KNTC1: variants seen among roughly 807,000 people sequenced by gnomAD.
KNTC1 encodes the protein kinetochore associated 1.
Under a neutral mutation model 314.4 loss-of-function variants are expected in KNTC1, and 253 were observed. The observed-to-expected ratio is 0.80, with a 90% CI of 0.73 to 0.89. KNTC1 has a LOEUF of 0.89. Ranked by LOEUF, KNTC1 falls within the 40% of genes least tolerant of loss-of-function variation. The pLI, the probability that KNTC1 is intolerant of heterozygous loss-of-function variation, is 0.00. For synonymous variants in KNTC1, 901 were observed against 901.4 expected (o/e 1.00, Z 0.01); for missense variants, 2,475 against 2,572.9 (o/e 0.96, Z 0.82).
intron 20 of KNTC1, 85 bp downstream of exon 20, chr12:122,562,784 C>T (rs1057507949): frequency 1.8e-5 from 14 of 763,700 alleles, no homozygotes; most frequent in Non-Finnish European, 2.5e-5. Context: ...CTGAGGTGGG[C>T]AGATCACCCG....
At chr12:122,596,620 C>T (rs1593645183) in intron 43 of KNTC1, among the ~76,000 whole-genome samples, 1 of 151,634 alleles carries the variant, frequency 6.6e-6, no homozygotes, top group South Asian at 2.1e-4. Context: ...GCAGGAGGAT[C>T]GCTTGAGGCC....
At chr12:122,559,316 G>T (rs1963822502) in intron 18 of KNTC1, among the ~76,000 whole-genome samples, 1 of 151,938 alleles carries the variant, frequency 6.6e-6, no homozygotes, top group East Asian at 1.9e-4. Flanking sequence ...CTTCCAGCCT[G>T]GCAACGGAGC....
Position 122,582,769 on chromosome 12 carries a change from G to A in KNTC1, c.3047G>A (p.Arg1016His), listed in dbSNP as rs370881274. The stretch of plus-strand genomic sequence containing the variant: ...AATAGTTCCCTGGTAGCAGATCTCC[G>A]TGAGCAGCACATTAAAGCTCACGAA... ...YSNSSLVADL[R>H]EQHIKAHEVA... The change falls in exon 34 of 64, where the codon CGT becomes CAT. Residue 1016 changes from arginine to histidine, a missense_variant. Arg to His is a conservative substitution (Grantham distance 29). Coordinates refer to ENST00000333479, the MANE Select transcript of KNTC1 (RefSeq NM_014708.6). 8.1e-6 allele frequency: 13 copies of A among 1,612,456 alleles called. No individual in the cohort carries two copies. Among genetic ancestry groups the A allele is most frequent in the Admixed American group, 5.0e-5 (3 of 59,884 alleles).
At position 122,605,370 on chromosome 12, in the gene KNTC1, C is replaced by T; in HGVS notation, c.5451C>T (p.Asp1817=). 1 of 1,605,362 alleles carries T rather than the reference C, an allele frequency of 6.2e-7. No homozygotes were observed. The highest frequency in any genetic ancestry group is 8.5e-7 in the Non-Finnish European group (1 of 1,175,634). Residue 1817 remains aspartate (D), a synonymous_variant, in exon 51 of 64, where the codon GAC becomes GAT. Coordinates refer to ENST00000333479, the MANE Select transcript of KNTC1 (RefSeq NM_014708.6). ...VNEINLEKVW[D]MLLEKWLCPS... ...AAATTAATTTGGAAAAAGTCTGGGACATGTTGTTGGAAAAATGGCTATGCC... is the reference window on the plus strand; with the variant it reads ...AAATTAATTTGGAAAAAGTCTGGGATATGTTGTTGGAAAAATGGCTATGCC...
intron 11 of KNTC1, 59 bp from the exon 12 acceptor site, chr12:122,547,855 TG>T: frequency 4.2e-6 from 4 of 943,350 alleles, no homozygotes; most frequent in Non-Finnish European, 6.3e-6. Flanking sequence ...TAGATAATAT[TG>T]TATGTTTTTG....
At position 122,591,433 on chromosome 12, in the gene KNTC1, A is replaced by G. The variant is rs781519591; in HGVS notation, c.4225A>G (p.Ile1409Val). 4.8e-5 allele frequency: 76 copies of G among 1,586,418 alleles called. No homozygotes were observed. The highest frequency in any genetic ancestry group is 5.4e-5 in the Non-Finnish European group (63 of 1,157,144). ...ACTCAGTACTGATGCCCAGTGGGGCATTCGTCTTGGTAAACTTGGTGTGAG... is the reference window on the plus strand; with the variant it reads ...ACTCAGTACTGATGCCCAGTGGGGCGTTCGTCTTGGTAAACTTGGTGTGAG... Reference protein sequence around the residue: ...RELSTDAQWGIRLGKLGISFQ... With the variant: ...RELSTDAQWGVRLGKLGISFQ... The change falls in exon 42 of 64, where the codon ATT (isoleucine) becomes GTT (valine). Residue 1409 changes from isoleucine (I) to valine (V), a missense_variant. By Grantham distance (29) the Ile-to-Val change is conservative. Coordinates refer to ENST00000333479, the MANE Select transcript of KNTC1 (RefSeq NM_014708.6).
chr12:122,586,524 T>C (rs12829891), intron 37 of KNTC1, among the ~76,000 whole-genome samples, 177 bp from the exon 38 acceptor site: 30,505 of 152,166 alleles, frequency 0.2, 3,529 homozygotes, highest in East Asian at 0.46. Context: ...TAGTGAAATA[T>C]TTACACATCT....
intron 48 of KNTC1, among the ~76,000 whole-genome samples, 182 bp downstream of exon 48, chr12:122,603,425 C>T (rs886989056): frequency 2.6e-5 from 4 of 152,096 alleles, no homozygotes; most frequent in African/African-American, 9.7e-5. Flanking sequence ...CCAACTTGTC[C>T]TTGTGCCGCC....
chr12:122,535,721 C>T (rs373243725), intron 3 of KNTC1, among the ~76,000 whole-genome samples: 2 of 151,200 alleles, frequency 1.3e-5, no homozygotes, highest in Admixed American at 1.3e-4. Context: ...GAGTCTGAGG[C>T]AGGAGAATCG....
At chr12:122,609,211 T>C (rs957027470) in intron 51 of KNTC1, 173 bp from the exon 52 acceptor site, 31 of 591,344 alleles carry the variant, frequency 5.2e-5, no homozygotes, top group Middle Eastern at 9.0e-4. Flanking sequence ...TAAACAAATA[T>C]GAGTAGACCC....
chr12:122,551,591 T>G, intron 15 of KNTC1, 30 bp from the exon 16 acceptor site: 1 of 1,607,984 alleles, frequency 6.2e-7, no homozygotes, highest in Admixed American at 1.7e-5. Flanking sequence ...ATAATAAGCA[T>G]TTAACAAAAT....
chr12:122,605,276 TTTTTC>T (rs1336521083), intron 50 of KNTC1, 25 bp from the exon 51 acceptor site: 3 of 1,432,118 alleles, frequency 2.1e-6, no homozygotes, highest in Non-Finnish European at 9.6e-7. Flanking sequence ...AAAACTTGAG[TTTTTC>T]TTTTCTTTAT....
rs1257576044 is a variant in KNTC1 at position 122,604,904 on chromosome 12, T to G, written c.5203T>G (p.Leu1735Val). ...QDEKREKAEA[L>V]LKKLHIQYRR... ...CGAAAAACGTGAAAAAGCCGAGGCT[T>G]TGTTGAAGAAGCTTCATATCCAGTA... Residue 1735 changes from leucine (L) to valine (V), a missense_variant, in exon 50 of 64, where the codon TTG becomes GTG. Coordinates refer to ENST00000333479, the MANE Select transcript of KNTC1 (RefSeq NM_014708.6). 1.2e-6 allele frequency: 2 copies of G among 1,608,182 alleles called. No homozygotes were observed. Among genetic ancestry groups the G allele is most frequent in the Non-Finnish European group, 1.7e-6 (2 of 1,177,170 alleles).
chr12:122,576,814 C>T, intron 29 of KNTC1, 81 bp from the exon 30 acceptor site: 1 of 1,110,374 alleles, frequency 9.0e-7, no homozygotes, highest in Non-Finnish European at 1.2e-6. Context: ...AATTTTTTTG[C>T]CACTTTGCTC....
rs200589165 is a variant in KNTC1, at chr12:122,543,583, T to C, written c.524-17T>C. 6.5e-6 allele frequency: 10 copies of C among 1,534,586 alleles called. No individual in the cohort carries two copies. In the African/African-American group the frequency reaches 8.3e-5, roughly 13 times the overall value. On this transcript the variant is annotated splice_polypyrimidine_tract_variant and intron_variant, in intron 6 of 63. Coordinates refer to ENST00000333479, the MANE Select transcript of KNTC1 (RefSeq NM_014708.6). ...GATTAATACTATACATTTAGCCTGC[T>C]TTCTTTTTTAATGCAGCAATTGAGA...
intron 24 of KNTC1, among the ~76,000 whole-genome samples, chr12:122,571,748 C>T (rs1367091918): frequency 6.6e-6 from 1 of 151,908 alleles, no homozygotes; most frequent in African/African-American, 2.4e-5. Context: ...CAGCTCACTG[C>T]AACCACCCCC....
At chr12:122,617,308 T>C in intron 57 of KNTC1, 1 of 368,902 alleles carries the variant, frequency 2.7e-6, no homozygotes, top group Non-Finnish European at 5.4e-6. Flanking sequence ...TTGATTATTC[T>C]CCAGAATATG....
At position 122,579,804 on chromosome 12, in the gene KNTC1, T is replaced by C. The variant is rs867141386; in HGVS notation, c.2842-101T>C. The C allele has an allele frequency of 3.6e-5, 28 of 769,444 alleles. No homozygotes were observed. In the Middle Eastern group the frequency reaches 3.7e-3, roughly 101 times the overall value. The allele number at this position is 769,444 out of a possible 1,614,324, so 47.7% of individuals were successfully genotyped here. A position where few individuals can be genotyped will look rare whatever the true frequency, so the allele number is the denominator to read the frequency against. On this transcript the variant is annotated intron_variant, in intron 31 of 63. Transcript: ENST00000333479. ...CTCAGCTGCCCAACTCCTCCACGAT[T>C]GTTTTTTCTGCTTCTGTGGTTTTTG...
chr12:122,598,038 T>G, intron 44 of KNTC1, 100 bp downstream of exon 44: 1 of 794,598 alleles, frequency 1.3e-6, no homozygotes, highest in Non-Finnish European at 2.0e-6. Context: ...GTCTATATTT[T>G]TATCAACTTT....
Sources: allele counts gnomAD v4.1 joint callset (sites outside exome capture counted in the v4.1 genomes callset), GRCh38; gene constraint gnomAD v4.1.1; transcripts MANE v1.5; gene names NCBI Gene and HGNC (gene_info 2026-07-23, HGNC 2026-07-21).